ARHGAP15: variants seen among roughly 807,000 people sequenced by gnomAD.
The protein encoded by ARHGAP15 is Rho GTPase activating protein 15.
Under a neutral mutation model 63.7 loss-of-function variants are expected in ARHGAP15, and 51 were observed. The observed-to-expected ratio is 0.80, with a 90% CI of 0.64 to 1.01. ARHGAP15 has a LOEUF of 1.01. ARHGAP15 is among the 50% of genes least tolerant of loss of function. ARHGAP15 has a pLI of 0.00. For synonymous variants in ARHGAP15, 191 were observed against 193.8 expected, an observed-to-expected ratio of 0.99 and a Z score of 0.12; for missense variants, 560 against 564.6, an observed-to-expected ratio of 0.99 and a Z score of 0.08.
At chr2:143,654,333 A>G (rs1053590052) in intron 12 of ARHGAP15, among the ~76,000 whole-genome samples, 1 of 152,182 alleles carries the variant, frequency 6.6e-6, no homozygotes, top group African/African-American at 2.4e-5. Flanking sequence ...TGATGATTTC[A>G]TCCCTGCAAT....
intron 10 of ARHGAP15, among the ~76,000 whole-genome samples, chr2:143,530,235 G>GT (rs1429255278): frequency 6.6e-6 from 1 of 151,874 alleles, no homozygotes; most frequent in Admixed American, 6.6e-5. Context: ...TTTGTTTTTT[G>GT]TTTGTTTTGT....
rs142520926 is a variant in ARHGAP15 at position 143,213,566 on chromosome 2, A to G, written c.235-2818A>G. On this transcript the variant is annotated intron_variant, in intron 3 of 13. Coordinates refer to ENST00000295095, the MANE Select transcript of ARHGAP15 (RefSeq NM_018460.4). ...AGGAAAATAAACACCTGATCTCAGA[A>G]GTGAGAATGTGTGCACAGTGGTAGG... 9.2e-5 allele frequency among the ~76,000 whole-genome samples: 14 copies of G among 152,344 alleles called. No individual in the cohort carries two copies. In the East Asian group the frequency reaches 2.5e-3, roughly 27 times the overall value.
intron 6 of ARHGAP15, among the ~76,000 whole-genome samples, chr2:143,379,633 T>C (rs1686978645): frequency 6.6e-6 from 1 of 151,898 alleles, no homozygotes; most frequent in African/African-American, 2.4e-5. Context: ...ACTTTCATTG[T>C]TTTTGTCTTC....
intron 11 of ARHGAP15, among the ~76,000 whole-genome samples, chr2:143,585,350 T>C (rs1437188470): frequency 1.1e-4 from 16 of 152,054 alleles, no homozygotes. Flanking sequence ...AATACAAAAA[T>C]ATACAAAGAA....
chr2:143,680,021 TAAAAAAAAAAAAAAA>T (rs55927433), intron 12 of ARHGAP15, among the ~76,000 whole-genome samples: 1 of 101,626 alleles, frequency 9.8e-6, no homozygotes, highest in African/African-American at 4.5e-5. Context: ...AGTAAATGAT[TAAAAAAAAAAAAAAA>T]AAAAAAAAAA....
intron 1 of ARHGAP15, among the ~76,000 whole-genome samples, chr2:143,135,323 A>G (rs1689093837): frequency 6.6e-6 from 1 of 152,124 alleles, no homozygotes; most frequent in Non-Finnish European, 1.5e-5. Flanking sequence ...AGTAACACAC[A>G]ATACAATTGT....
At chr2:143,631,580 A>C (rs941887315) in intron 12 of ARHGAP15, among the ~76,000 whole-genome samples, 2 of 152,126 alleles carry the variant, frequency 1.3e-5, no homozygotes, top group African/African-American at 4.8e-5. Flanking sequence ...GATGTTAAGC[A>C]TCTTTTCATG....
intron 12 of ARHGAP15, chr2:143,676,351 C>T (rs940815230): frequency 2.0e-5 from 3 of 152,172 alleles, no homozygotes; most frequent in African/African-American, 4.8e-5. Context: ...AAGAACTTTT[C>T]TCCTTTGCAT....
chr2:143,416,990 C>T (rs1471965334), intron 6 of ARHGAP15, among the ~76,000 whole-genome samples: 1 of 152,130 alleles, frequency 6.6e-6, no homozygotes, highest in Non-Finnish European at 1.5e-5. Flanking sequence ...GGCGTTTTCA[C>T]TCTAATAGGG....
Position 143,436,934 on chromosome 2 carries a change from T to C in ARHGAP15, c.595T>C (p.Ser199Pro). ...CCAGCCAAAGGATTCAAGTTGTCCA[T>C]CAAGAAACCTGGAATTATTCAAAAT... is the stretch of plus-strand genomic sequence containing the variant. The part of the protein sequence containing the change: ...DRLPKDSSCP[S>P]RNLELFKIQR... Residue 199 changes from serine (S) to proline (P), a missense_variant, in exon 8 of 14, where the codon TCA (serine) becomes CCA (proline). Ser to Pro is a moderately conservative substitution (Grantham distance 74). Coordinates refer to ENST00000295095, the MANE Select transcript of ARHGAP15 (RefSeq NM_018460.4). 1 of 1,610,790 alleles carries C rather than the reference T, an allele frequency of 6.2e-7. No individual in the cohort carries two copies. Among genetic ancestry groups the C allele is most frequent in the Non-Finnish European group, 8.5e-7 (1 of 1,179,014 alleles).
At chr2:143,438,539 A>G (rs78349133) in intron 8 of ARHGAP15, among the ~76,000 whole-genome samples, 24,889 of 152,196 alleles carry the variant, frequency 0.16, 2,648 homozygotes, top group Non-Finnish European at 0.24. Context: ...ATAATTTTCA[A>G]CAACTGCTAG....
intron 13 of ARHGAP15, among the ~76,000 whole-genome samples, chr2:143,746,346 C>T (rs933175469): frequency 1.4e-4 from 21 of 151,836 alleles, no homozygotes; most frequent in Non-Finnish European, 2.6e-4. Context: ...CAAATTATAT[C>T]CTCCAGTCAT....
chr2:143,659,709 G>T (rs1212149920), intron 12 of ARHGAP15, among the ~76,000 whole-genome samples: 1 of 152,184 alleles, frequency 6.6e-6, no homozygotes, highest in East Asian at 1.9e-4. Flanking sequence ...GGTTTATGTG[G>T]TAATACAGGC....
At chr2:143,489,438 G>T (rs973453888) in intron 9 of ARHGAP15, among the ~76,000 whole-genome samples, 8 of 152,158 alleles carry the variant, frequency 5.3e-5, no homozygotes, top group African/African-American at 1.9e-4. Context: ...GTCTTCAGTA[G>T]AATTTTTTTC....
intron 11 of ARHGAP15, among the ~76,000 whole-genome samples, chr2:143,576,849 G>A (rs1444675114): frequency 1.3e-5 from 2 of 152,078 alleles, no homozygotes; most frequent in Non-Finnish European, 2.9e-5. Context: ...TTCATAGATT[G>A]AGGTTATTTC....
intron 5 of ARHGAP15, among the ~76,000 whole-genome samples, chr2:143,229,840 G>T (rs1022691987): frequency 6.6e-6 from 1 of 152,124 alleles, no homozygotes; most frequent in South Asian, 2.1e-4. Context: ...CATTTGACTT[G>T]CTTCTGATAA....
At chr2:143,611,523 G>A (rs762666825) in intron 11 of ARHGAP15, among the ~76,000 whole-genome samples, 12 of 152,274 alleles carry the variant, frequency 7.9e-5, no homozygotes, top group Admixed American at 2.0e-4. Context: ...CAAGCACAGC[G>A]GCTGGCACAT....
At chr2:143,588,530 T>G (rs1041428549) in intron 11 of ARHGAP15, among the ~76,000 whole-genome samples, 6 of 152,112 alleles carry the variant, frequency 3.9e-5, no homozygotes, top group Admixed American at 1.3e-4. Context: ...TTCCCTTCCC[T>G]GTGTCCATGT....
chr2:143,491,415 T>C (rs537779588), intron 9 of ARHGAP15, among the ~76,000 whole-genome samples: 7 of 152,338 alleles, frequency 4.6e-5, no homozygotes, highest in African/African-American at 7.2e-5. Flanking sequence ...AGTATGCCCT[T>C]ATGTCAAAAT....
Sources: allele counts gnomAD v4.1 joint callset (sites outside exome capture counted in the v4.1 genomes callset), GRCh38; gene constraint gnomAD v4.1.1; transcripts MANE v1.5; gene names NCBI Gene and HGNC (gene_info 2026-07-23, HGNC 2026-07-21).